The following OXSR1 variants were observed in gnomAD, a reference collection of about 807,000 sequenced individuals.
The protein encoded by OXSR1 is oxidative stress responsive kinase 1, also known as serine/threonine-protein kinase OSR1.
A neutral mutation model predicts 79.8 loss-of-function variants in OXSR1; 24 were observed. That is an observed-to-expected ratio of 0.30 (90% CI 0.22 to 0.42). The LOEUF is 0.42. OXSR1 is among the 10% of genes least tolerant of loss of function. The probability of loss-of-function intolerance (pLI) is 1.00; values close to 1 mark genes in which losing one functional copy is unlikely to be tolerated. For missense variants in OXSR1, 430 were observed against 618.4 expected (o/e 0.70, Z 3.23); for synonymous variants, 226 against 209.2 (o/e 1.08, Z -0.69).
intron 3 of OXSR1, among the ~76,000 whole-genome samples, chr3:38,192,086 C>G (rs1701994500): frequency 6.6e-6 from 1 of 152,114 alleles, no homozygotes; most frequent in Admixed American, 6.6e-5. Context: ...TAAAAATTTT[C>G]CTTTTTCCAG....
intron 10 of OXSR1, 74 bp from the exon 11 acceptor site, chr3:38,236,765 A>G: frequency 2.2e-6 from 3 of 1,339,124 alleles, no homozygotes; most frequent in Non-Finnish European, 3.1e-6. Flanking sequence ...TGATAGAAGA[A>G]GAGAGAAATA....
rs1156960782 is a variant in OXSR1 at position 38,236,609 on chromosome 3, G to A, written c.952-230G>A. 3 of 303,384 alleles carry A rather than the reference G, an allele frequency of 9.9e-6. No homozygotes were observed. The Admixed American group carries it at 1.5e-4, about 15-fold the overall frequency. 18.8% of individuals were successfully genotyped at this position (303,384 alleles called of 1,614,324 possible). ...GATTTTACATAAAAAGGATTTTGAT[G>A]TTTGGGCTCAGAGTATAGAAGTACA... On this transcript the variant is annotated intron_variant, in intron 10 of 17. Coordinates refer to ENST00000311806, the MANE Select transcript of OXSR1 (RefSeq NM_005109.3).
At chr3:38,173,856 AAAG>A (rs2125801948) in intron 1 of OXSR1, among the ~76,000 whole-genome samples, 1 of 152,370 alleles carries the variant, frequency 6.6e-6, no homozygotes, top group South Asian at 2.1e-4. Context: ...TAGAAACTCT[AAAG>A]AAGAAAAAGC....
intron 2 of OXSR1, 90 bp downstream of exon 2, chr3:38,183,205 T>G (rs1292813462): frequency 1.8e-6 from 1 of 566,166 alleles, no homozygotes; most frequent in African/African-American, 2.0e-5. Context: ...GATTTGTTTC[T>G]TTTTAAAAAA....
intron 3 of OXSR1, among the ~76,000 whole-genome samples, chr3:38,196,160 G>T (rs771867403): frequency 2.0e-5 from 3 of 152,132 alleles, no homozygotes; most frequent in South Asian, 2.1e-4. Flanking sequence ...CAAGTTGTGC[G>T]TGAGGACAAA....
At chr3:38,222,589 A>G (rs1441232600) in intron 6 of OXSR1, among the ~76,000 whole-genome samples, 1 of 152,170 alleles carries the variant, frequency 6.6e-6, no homozygotes, top group Non-Finnish European at 1.5e-5. Context: ...GGTCTTACAC[A>G]CTACACACTC....
At position 38,165,774 on chromosome 3, in the gene OXSR1, CGCGGCGGCG is replaced by C. The variant is rs900019822; in HGVS notation, c.-91_-83del. ...GCTGTTCCGAGACGATTGGTGGGGG[CGCGGCGGCG>C]GCGGCGGCGGCTGTTGGGGGTGGGG... On this transcript the variant is annotated 5_prime_UTR_variant, in exon 1 of 18. Transcript: ENST00000311806. 13 of 1,008,710 alleles carry C rather than the reference CGCGGCGGCG, an allele frequency of 1.3e-5. No homozygotes were observed. Among genetic ancestry groups the C allele is most frequent in the African/African-American group, 3.2e-5 (2 of 62,228 alleles). The allele number at this position is 1,008,710 out of a possible 1,614,324, so 62.5% of individuals were successfully genotyped here. A position where few individuals can be genotyped will look rare whatever the true frequency, so the allele number is the denominator to read the frequency against.
At chr3:38,245,716 G>A (rs1271680186) in intron 12 of OXSR1, among the ~76,000 whole-genome samples, 1 of 152,174 alleles carries the variant, frequency 6.6e-6, no homozygotes, top group East Asian at 1.9e-4. Context: ...ATGGCTGGGT[G>A]TGGAAGCAGG....
intron 3 of OXSR1, among the ~76,000 whole-genome samples, chr3:38,198,183 C>T (rs1421899496): frequency 6.6e-6 from 1 of 151,998 alleles, no homozygotes; most frequent in Non-Finnish European, 1.5e-5. Context: ...TATTTTTATT[C>T]TTTTTGTATT....
intron 5 of OXSR1, among the ~76,000 whole-genome samples, chr3:38,220,810 C>T (rs1313529278): frequency 1.3e-5 from 2 of 152,042 alleles, no homozygotes; most frequent in Non-Finnish European, 2.9e-5. Flanking sequence ...CAGGTATGCC[C>T]AGGGATCAAG....
intron 2 of OXSR1, among the ~76,000 whole-genome samples, chr3:38,187,969 TTATA>T (rs1164108713): frequency 6.6e-6 from 1 of 152,158 alleles, no homozygotes; most frequent in African/African-American, 2.4e-5. Flanking sequence ...TGTGAATCAT[TTATA>T]TATTTATTTT....
intron 3 of OXSR1, chr3:38,193,357 C>G (rs1258572460): frequency 1.6e-6 from 2 of 1,288,874 alleles, no homozygotes; most frequent in Non-Finnish European, 2.0e-6. Flanking sequence ...CTAACACCAA[C>G]CACCTTTCAA....
intron 10 of OXSR1, among the ~76,000 whole-genome samples, chr3:38,234,299 G>A (rs539142444): frequency 1.3e-5 from 2 of 152,266 alleles, no homozygotes; most frequent in South Asian, 4.1e-4. Context: ...ACGCTGGCAA[G>A]AAAGTGAAAA....
At chr3:38,251,310 C>A in intron 15 of OXSR1, 93 bp from the exon 16 acceptor site, 1 of 1,015,994 alleles carries the variant, frequency 9.8e-7, no homozygotes, top group Non-Finnish European at 1.6e-6. Flanking sequence ...CAGCTTGGGC[C>A]TAGCATGGCA....
chr3:38,194,653 G>A (rs1559507350), intron 3 of OXSR1, among the ~76,000 whole-genome samples: 2 of 152,194 alleles, frequency 1.3e-5, no homozygotes, highest in African/African-American at 2.4e-5. Context: ...CTGTGGAAAC[G>A]GGGATGGAGA....
intron 9 of OXSR1, among the ~76,000 whole-genome samples, 195 bp downstream of exon 9, chr3:38,229,930 T>C (rs142868209): frequency 6.6e-6 from 1 of 152,318 alleles, no homozygotes; most frequent in East Asian, 1.9e-4. Flanking sequence ...CGTTTTTAAA[T>C]ATTAGGTTAA....
At chr3:38,200,840 G>A (rs1702149471) in intron 4 of OXSR1, among the ~76,000 whole-genome samples, 1 of 152,160 alleles carries the variant, frequency 6.6e-6, no homozygotes, top group African/African-American at 2.4e-5. Context: ...AAAAGATATT[G>A]CCAAATTGCT....
intron 4 of OXSR1, among the ~76,000 whole-genome samples, chr3:38,205,114 AG>A (rs1394425642): frequency 6.6e-6 from 1 of 152,098 alleles, no homozygotes; most frequent in African/African-American, 2.4e-5. Context: ...TTCCAATGCA[AG>A]CACAGATTCT....
intron 4 of OXSR1, 30 bp downstream of exon 4, chr3:38,198,893 A>T: frequency 6.3e-7 from 1 of 1,589,306 alleles, no homozygotes; most frequent in Non-Finnish European, 8.6e-7. Flanking sequence ...CTTGTGTTAC[A>T]TCATCTCATT....
Sources: gnomAD v4.1 joint callset for allele counts (sites outside exome capture counted in the v4.1 genomes callset) on GRCh38, gnomAD v4.1.1 for gene constraint, MANE v1.5 for transcripts, NCBI Gene and HGNC (gene_info 2026-07-23, HGNC 2026-07-21) for gene names.